The following FBXO25 variants were observed in gnomAD, a reference collection of about 807,000 sequenced individuals.
FBXO25 encodes the protein F-box only protein 25.
In FBXO25, 45 loss-of-function variants were observed where a neutral mutation model predicts 51.9. The ratio of observed to expected loss-of-function variants is 0.87; its 90% confidence interval spans 0.68 to 1.11. The LOEUF (loss-of-function observed/expected upper bound fraction) is 1.11. FBXO25 is among the 50% of genes most tolerant of loss of function. FBXO25 has a pLI of 0.00. For missense variants in FBXO25, 507 were observed against 428.5 expected (o/e 1.18, Z -1.62); for synonymous variants, 199 against 151.0 (o/e 1.32, Z -2.33).
At chr8:444,500 T>A (rs533754143) in intron 5 of FBXO25, among the ~76,000 whole-genome samples, 1 of 152,266 alleles carries the variant, frequency 6.6e-6, no homozygotes, top group Non-Finnish European at 1.5e-5. Flanking sequence ...TTGAAATGAT[T>A]AAGTTTTCCT....
intron 5 of FBXO25, among the ~76,000 whole-genome samples, chr8:441,040 A>G (rs1262859009): frequency 2.7e-5 from 4 of 148,126 alleles, no homozygotes; most frequent in Non-Finnish European, 4.5e-5. Flanking sequence ...CAGTGCTGCA[A>G]TAAACATACG....
At chr8:419,375 GA>G (rs1270803468) in intron 2 of FBXO25, among the ~76,000 whole-genome samples, 4 of 151,802 alleles carry the variant, frequency 2.6e-5, no homozygotes, top group Non-Finnish European at 5.9e-5. Flanking sequence ...ATCTCAAAAA[GA>G]AAAAAGAACA....
intron 6 of FBXO25, 34 bp from the exon 7 acceptor site, chr8:451,235 T>C (rs1375440340): frequency 6.4e-7 from 1 of 1,560,182 alleles, no homozygotes; most frequent in African/African-American, 1.4e-5. Context: ...TGCTTAACTG[T>C]ATCAATCCAT....
rs1363790455 is a variant in FBXO25 at position 474,419 on chromosome 8, G to C, written c.*5615G>C. 4 of 286,912 alleles carry C rather than the reference G, an allele frequency of 1.4e-5. No homozygotes were observed. The highest frequency in any genetic ancestry group is 1.0e-4 in the Admixed American group (2 of 19,560). 17.8% of individuals were successfully genotyped at this position (286,912 alleles called of 1,614,324 possible). ...TAAACATGGGTGTGCAAATATCTGA[G>C]TCTCTGCTTTCAATCATATGGCAAT... is the stretch of plus-strand genomic sequence containing the variant. On this transcript the variant is annotated 3_prime_UTR_variant, in exon 10 of 10. Transcript: ENST00000350302.
intron 9 of FBXO25, among the ~76,000 whole-genome samples, chr8:466,762 A>T (rs978903155): frequency 1.3e-5 from 2 of 151,882 alleles, no homozygotes; most frequent in Non-Finnish European, 2.9e-5. Flanking sequence ...TTCTTTTTTA[A>T]CTTTTCTACC....
Position 475,194 on chromosome 8 carries a change from A to C in FBXO25, c.*6390A>C. 1 of 326,664 alleles carries C rather than the reference A, an allele frequency of 3.1e-6. No individual in the cohort carries two copies. Among genetic ancestry groups the C allele is most frequent in the East Asian group, 8.5e-5 (1 of 11,832 alleles). 20.2% of individuals were successfully genotyped at this position (326,664 alleles called of 1,614,324 possible). ...CCACTTGTCTAGCACCATTTGTTGAAAAGACTGTCCTTTCTCCCTTGAATG... is the reference window on the plus strand; with the variant it reads ...CCACTTGTCTAGCACCATTTGTTGACAAGACTGTCCTTTCTCCCTTGAATG... On this transcript the variant is annotated 3_prime_UTR_variant, in exon 10 of 10. Transcript: ENST00000350302.
Position 458,455 on chromosome 8 carries a change from C to A in FBXO25, c.747C>A (p.Ile249=), listed in dbSNP as rs368583906. ...ILYRFSDGWD[I]ITLGQVTPTL... ...ACCGGTTCTCAGACGGATGGGACAT[C>A]ATCACCTTAGGCCAGGTGACCCCCA... Residue 249 remains isoleucine (I), a synonymous_variant, in exon 8 of 10, where the codon ATC becomes ATA. Transcript: ENST00000350302. The A allele has an allele frequency of 6.8e-6, 11 of 1,614,066 alleles. No homozygotes were observed. The African/African-American group carries it at 1.5e-4, about 22-fold the overall frequency.
intron 2 of FBXO25, among the ~76,000 whole-genome samples, chr8:419,270 G>A (rs1002371657): frequency 1.3e-5 from 2 of 152,200 alleles, no homozygotes; most frequent in Admixed American, 6.5e-5. Context: ...TCAGGAAGCT[G>A]AGTCATGAGA....
intron 9 of FBXO25, 76 bp downstream of exon 9, chr8:463,226 A>G (rs1799932434): frequency 8.6e-6 from 13 of 1,504,028 alleles, no homozygotes; most frequent in African/African-American, 4.2e-5. Flanking sequence ...TATTTTAAGT[A>G]TAAGACTAAA....
In FBXO25 at chr8:474,219, G is replaced by C; in HGVS notation, c.*5415G>C. 5.9e-6 allele frequency: 1 copy of C among 170,262 alleles called. No homozygotes were observed. Among genetic ancestry groups the C allele is most frequent in the Non-Finnish European group, 1.2e-5 (1 of 81,484 alleles). 10.5% of individuals were successfully genotyped at this position (170,262 alleles called of 1,614,324 possible). ...GGAACCAGAAGGGATTTGTCCTTTTGTGACTGGCTTATTTCACTTAGCGTA... is the reference window on the plus strand; with the variant it reads ...GGAACCAGAAGGGATTTGTCCTTTTCTGACTGGCTTATTTCACTTAGCGTA... On this transcript the variant is annotated 3_prime_UTR_variant, in exon 10 of 10. Coordinates refer to ENST00000350302, the MANE Select transcript of FBXO25 (RefSeq NM_183420.2).
chr8:468,051 A>G, intron 9 of FBXO25: 1 of 1,211,608 alleles, frequency 8.3e-7, no homozygotes, highest in South Asian at 2.4e-5. Flanking sequence ...CCATGGAGAG[A>G]TCCAGCACTG....
intron 5 of FBXO25, among the ~76,000 whole-genome samples, chr8:444,468 G>C (rs1438450164): frequency 1.3e-5 from 2 of 152,058 alleles, no homozygotes; most frequent in African/African-American, 4.8e-5. Context: ...CAGAGAGTTT[G>C]GCCTTTAAGA....
rs1010968191 is a variant in FBXO25 at position 475,803 on chromosome 8, T to C, written c.*6999T>C. 48 of 152,300 alleles carry C rather than the reference T, an allele frequency of 3.2e-4. No individual in the cohort carries two copies. Among genetic ancestry groups the C allele is most frequent in the African/African-American group, 1.1e-3 (45 of 41,588 alleles). 9.4% of individuals were successfully genotyped at this position (152,300 alleles called of 1,614,324 possible). ...TTTTTTTTTGTATATGTATGGACAC[T>C]AGGATTTTCTACATATAAGATCATG... On this transcript the variant is annotated 3_prime_UTR_variant, in exon 10 of 10. Coordinates refer to ENST00000350302, the MANE Select transcript of FBXO25 (RefSeq NM_183420.2).
rs561648069 is a variant in FBXO25, at chr8:458,953, G to T, written c.843+402G>T. Among the ~76,000 whole-genome samples the T allele has an allele frequency of 5.9e-5, 9 of 152,242 alleles. No homozygotes were observed. The East Asian group carries it at 1.7e-3, about 29-fold the overall frequency. ...TGTGTGCCTCAGTCTCTCAGCACTC[G>T]GTAGATGCCGCTCCTGAGTGTCCAC... On this transcript the variant is annotated intron_variant, in intron 8 of 9. Transcript: ENST00000350302.
chr8:466,891 G>A (rs925454090), intron 9 of FBXO25, among the ~76,000 whole-genome samples: 1 of 152,140 alleles, frequency 6.6e-6, no homozygotes, highest in Non-Finnish European at 1.5e-5. Context: ...TTACCTCCCG[G>A]CTGTACAAAA....
chr8:465,057 C>T (rs1448101342), intron 9 of FBXO25, among the ~76,000 whole-genome samples: 4 of 152,136 alleles, frequency 2.6e-5, no homozygotes, highest in African/African-American at 4.8e-5. Context: ...AGTTATAGGG[C>T]ACAGAAGGCA....
chr8:435,136 A>G (rs1296136267), intron 4 of FBXO25, among the ~76,000 whole-genome samples: 4 of 152,122 alleles, frequency 2.6e-5, no homozygotes, highest in Non-Finnish European at 4.4e-5. Context: ...GAGAAATCCC[A>G]TGTTATACTT....
At chr8:451,521 C>G in intron 7 of FBXO25, 68 bp downstream of exon 7, 1 of 1,422,788 alleles carries the variant, frequency 7.0e-7, no homozygotes, top group Non-Finnish European at 9.7e-7. Context: ...CTTTTCTAAG[C>G]ATACATGAAA....
chr8:460,269 C>G (rs765028894), intron 8 of FBXO25, among the ~76,000 whole-genome samples: 8 of 152,146 alleles, frequency 5.3e-5, no homozygotes, highest in African/African-American at 1.9e-4. Flanking sequence ...CATTGCCATT[C>G]TTAAAAGAGT....
Sources: gnomAD v4.1 joint callset for allele counts (sites outside exome capture counted in the v4.1 genomes callset) on GRCh38, gnomAD v4.1.1 for gene constraint, MANE v1.5 for transcripts, NCBI Gene and HGNC (gene_info 2026-07-23, HGNC 2026-07-21) for gene names.